Variants in SMYD2 observed in about 807,000 individuals in gnomAD.
SMYD2 encodes SET and MYND domain containing 2.
In SMYD2, 53 loss-of-function variants were observed where a neutral mutation model predicts 59.1. The observed-to-expected ratio is 0.90, with a 90% CI of 0.72 to 1.13. The LOEUF is 1.13. Ranked by LOEUF, SMYD2 falls within the 50% of genes most tolerant of loss-of-function variation. The pLI is 0.00. For missense variants in SMYD2, 494 were observed against 544.7 expected (o/e 0.91, Z 0.93); for synonymous variants, 208 against 198.8 (o/e 1.05, Z -0.39).
intron 2 of SMYD2, among the ~76,000 whole-genome samples, chr1:214,310,184 T>C (rs929624706): frequency 6.6e-5 from 10 of 152,264 alleles, no homozygotes; most frequent in African/African-American, 2.2e-4. Context: ...CTGGAAATGC[T>C]GGTGCACCAT....
In SMYD2 at chr1:214,318,048, G is replaced by A; in HGVS notation, c.349-31G>A. ...TATTACACTGGTTGTTAAAAAATCT[G>A]TATCTGTGTGATTTCTTCCCCAATT... On this transcript the variant is annotated intron_variant, in intron 3 of 11. Transcript: ENST00000366957. This position sits in a 1 kb window ranked among gnomAD's most constrained non-coding sequence, Gnocchi z 5.4. The A allele has an allele frequency of 6.3e-7, 1 of 1,596,376 alleles. No individual in the cohort carries two copies. The highest frequency in any genetic ancestry group is 8.6e-7 in the Non-Finnish European group (1 of 1,165,248).
At position 214,317,820 on chromosome 1, in the gene SMYD2, G is replaced by A. The variant is rs115195557; in HGVS notation, c.349-259G>A. Among the ~76,000 whole-genome samples, 1,161 of 152,158 alleles carry A rather than the reference G, an allele frequency of 7.6e-3. 17 individuals carry two copies. The highest frequency in any genetic ancestry group is 0.026 in the African/African-American group (1,096 of 41,514). Reference sequence around the variant, plus strand: ...TTGTTTTCCGGCCCTGTTCTTTCCCGTAACAGGTATTTCTGAGCCTACTGT... The same window carrying A: ...TTGTTTTCCGGCCCTGTTCTTTCCCATAACAGGTATTTCTGAGCCTACTGT... On this transcript the variant is annotated intron_variant, in intron 3 of 11. Coordinates refer to ENST00000366957, the MANE Select transcript of SMYD2 (RefSeq NM_020197.3).
In SMYD2 at chr1:214,330,957, C is replaced by T. The variant is rs776947435; in HGVS notation, c.824C>T (p.Ala275Val). Reference sequence around the variant, plus strand: ...TGTGGACGTTTCCTTCAGGATAAGGCCAAGGTGGAAATCCGGAAGCTCAGC... The same window carrying T: ...TGTGGACGTTTCCTTCAGGATAAGGTCAAGGTGGAAATCCGGAAGCTCAGC... ...QECTTKDKDKAKVEIRKLSDP... is the reference protein window; with the variant it reads ...QECTTKDKDKVKVEIRKLSDP... Residue 275 changes from alanine (A) to valine (V), a missense_variant, in exon 9 of 12, where the codon GCC (alanine) becomes GTC (valine). Transcript: ENST00000366957. The T allele has an allele frequency of 1.2e-6, 2 of 1,614,102 alleles. No homozygotes were observed. The highest frequency in any genetic ancestry group is 2.7e-5 in the African/African-American group (2 of 75,054).
intron 11 of SMYD2, among the ~76,000 whole-genome samples, chr1:214,335,572 T>G (rs1307844295): frequency 6.6e-6 from 1 of 152,228 alleles, no homozygotes; most frequent in Non-Finnish European, 1.5e-5. Flanking sequence ...AAAAATTCTC[T>G]GGGGGAATAC....
intron 2 of SMYD2, 56 bp from the exon 3 acceptor site, chr1:214,314,706 C>T: frequency 2.2e-6 from 3 of 1,360,882 alleles, no homozygotes; most frequent in Non-Finnish European, 3.1e-6. Context: ...TCTCCTCTCA[C>T]ACTTTATTCC....
chr1:214,303,834 G>C (rs1211928068), intron 1 of SMYD2, among the ~76,000 whole-genome samples: 1 of 152,274 alleles, frequency 6.6e-6, no homozygotes, highest in Non-Finnish European at 1.5e-5. Flanking sequence ...GCAGAGGAGG[G>C]GGGACGAGGT....
chr1:214,283,893 C>CT (rs1227216194), intron 1 of SMYD2, among the ~76,000 whole-genome samples: 2 of 152,072 alleles, frequency 1.3e-5, no homozygotes, highest in South Asian at 2.1e-4. Flanking sequence ...CAGGATCTAA[C>CT]TTTTTTTGAA....
chr1:214,305,484 A>G (rs1656901933), intron 2 of SMYD2, among the ~76,000 whole-genome samples: 1 of 152,244 alleles, frequency 6.6e-6, no homozygotes, highest in African/African-American at 2.4e-5. Context: ...CATGTTAGAT[A>G]CAGGCAGGTG....
At chr1:214,330,913 G>A (rs781166638) in intron 8 of SMYD2, 37 bp from the exon 9 acceptor site, 2 of 1,612,890 alleles carry the variant, frequency 1.2e-6, no homozygotes, top group Non-Finnish European at 1.7e-6. Context: ...GGTTTCCATG[G>A]GCGGTAACGC....
In SMYD2 at chr1:214,318,931, C is replaced by T. The variant is rs1384777995; in HGVS notation, c.482C>T (p.Ser161Phe). Residue 161 changes from serine to phenylalanine, a missense_variant, in exon 5 of 12, where the codon TCC becomes TTC. Physicochemically the swap from Ser to Phe is radical, Grantham distance 155 (BLOSUM62 -2). Transcript: ENST00000366957. This position sits in a 1 kb window ranked among gnomAD's most constrained non-coding sequence, Gnocchi z 5.4. Reference protein sequence around the residue: ...SDIAALHHFYSKHLGFPDNDS... With the variant: ...SDIAALHHFYFKHLGFPDNDS... ...ATAGCTGCTCTCCATCACTTTTACT[C>T]CAAGCATCTCGGATTCCCTGACAAT... The T allele has an allele frequency of 7.4e-6, 12 of 1,614,038 alleles. No homozygotes were observed. Among genetic ancestry groups the T allele is most frequent in the South Asian group, 1.1e-5 (1 of 91,074 alleles).
chr1:214,336,565 C>A, intron 11 of SMYD2, 139 bp from the exon 12 acceptor site: 1 of 597,966 alleles, frequency 1.7e-6, no homozygotes, highest in South Asian at 2.6e-5. Context: ...AAAAACAGGT[C>A]CTGGTGGAGA....
At chr1:214,310,535 C>G (rs546428736) in intron 2 of SMYD2, among the ~76,000 whole-genome samples, 1 of 139,048 alleles carries the variant, frequency 7.2e-6, no homozygotes, top group Admixed American at 7.4e-5. Flanking sequence ...AAATGAGATC[C>G]TAGTTTACAG....
intron 2 of SMYD2, among the ~76,000 whole-genome samples, chr1:214,306,392 A>G (rs529724870): frequency 2.0e-5 from 3 of 152,324 alleles, no homozygotes; most frequent in Non-Finnish European, 4.4e-5. Flanking sequence ...CCCCAGGGAC[A>G]GCGGCCCCTC....
chr1:214,322,285 C>T (rs752822784), intron 5 of SMYD2, among the ~76,000 whole-genome samples: 5 of 152,120 alleles, frequency 3.3e-5, no homozygotes, highest in African/African-American at 9.7e-5. Flanking sequence ...GGTCATGCTC[C>T]GGTAATTTTG....
chr1:214,284,829 AC>A (rs35097415), intron 1 of SMYD2, among the ~76,000 whole-genome samples: 7 of 151,956 alleles, frequency 4.6e-5, no homozygotes, highest in African/African-American at 1.7e-4. Context: ...ACATATTTTA[AC>A]CCCCAATGTG....
At position 214,314,802 on chromosome 1, in the gene SMYD2, T is replaced by C; in HGVS notation, c.278T>C (p.Met93Thr). ...WPMHKLECSP[M>T]VVFGENWNPS... ...ATGCACAAGCTGGAATGTTCTCCCA[T>C]GGTTGTTTTTGGGGAAAACTGGAAT... Residue 93 changes from methionine to threonine, a missense_variant, in exon 3 of 12, where the codon ATG becomes ACG. By Grantham distance (81) the Met-to-Thr change is moderately conservative. Transcript: ENST00000366957. 4.3e-6 allele frequency: 7 copies of C among 1,614,180 alleles called. No individual in the cohort carries two copies. Among genetic ancestry groups the C allele is most frequent in the Non-Finnish European group, 5.9e-6 (7 of 1,180,016 alleles).
At chr1:214,325,293 A>T (rs1042776842) in intron 6 of SMYD2, among the ~76,000 whole-genome samples, 2 of 152,234 alleles carry the variant, frequency 1.3e-5, no homozygotes, top group Non-Finnish European at 2.9e-5. Flanking sequence ...ATCTTTATAG[A>T]TCTGACTTTA....
rs1259451106 is a variant in SMYD2, at chr1:214,284,253, G to GTT, written c.173+2826_173+2827insTT. Among the ~76,000 whole-genome samples, 449 of 76,754 alleles carry GTT rather than the reference G, an allele frequency of 5.8e-3. 3 individuals carry two copies. The highest frequency in any genetic ancestry group is 0.014 in the African/African-American group (233 of 16,892). The allele number at this position is 76,754 out of a possible 152,430, so 50.4% of individuals were successfully genotyped here. On this transcript the variant is annotated intron_variant, in intron 1 of 11. Coordinates refer to ENST00000366957, the MANE Select transcript of SMYD2 (RefSeq NM_020197.3). ...GCCATTTATCACCATTTTTTGGTGT[G>GTT]GTTTTTTTTTTTTTTTTTTTTTTTG...
Position 214,336,732 on chromosome 1 carries a change from G to A in SMYD2, c.1250G>A (p.Gly417Asp). 1 of 1,613,700 alleles carries A rather than the reference G, an allele frequency of 6.2e-7. No homozygotes were observed. The highest frequency in any genetic ancestry group is 8.5e-7 in the Non-Finnish European group (1 of 1,179,910). ...KAIAIMEVAH[G>D]KDHPYISEIK... The stretch of plus-strand genomic sequence containing the variant: ...ATTGCAATCATGGAAGTAGCTCACG[G>A]CAAAGATCATCCATATATTTCTGAG... Residue 417 changes from glycine (G) to aspartate (D), a missense_variant, in exon 12 of 12, where the codon GGC (glycine) becomes GAC (aspartate). Physicochemically the swap from Gly to Asp is moderately conservative, Grantham distance 94. Transcript: ENST00000366957.
Sources: gnomAD v4.1 joint callset for allele counts (sites outside exome capture counted in the v4.1 genomes callset) on GRCh38, gnomAD v4.1.1 for gene constraint, Gnocchi (gnomAD v3.1) non-coding constraint, MANE v1.5 for transcripts, NCBI Gene and HGNC (gene_info 2026-07-23, HGNC 2026-07-21) for gene names.